Variants in ABCA4 observed in about 807,000 individuals in gnomAD.
ABCA4 encodes the protein retinal-specific phospholipid-transporting ATPase ABCA4.
In ABCA4, 196 loss-of-function variants were observed where a neutral mutation model predicts 263.7. The observed-to-expected ratio is 0.74, with a 90% CI of 0.66 to 0.84. The LOEUF (loss-of-function observed/expected upper bound fraction) is 0.84, where lower values mean the gene tolerates loss of function less well. Among genes scored for constraint, ABCA4 ranks in the 40% least tolerant of loss-of-function variants. The pLI is 0.00. For synonymous variants in ABCA4, 1,133 were observed against 1,094.2 expected (o/e 1.04, Z -0.70); for missense variants, 2,792 against 2,855.1 (o/e 0.98, Z 0.50).
At chr1:94,113,125 G>T (rs1006710711) in intron 1 of ABCA4, 59 bp from the exon 2 acceptor site, 6 of 1,532,566 alleles carry the variant, frequency 3.9e-6, no homozygotes, top group Non-Finnish European at 5.4e-6. Flanking sequence ...TATAGAAAAC[G>T]TAACCAGAGC....
chr1:94,053,401 CA>C (rs1660891004), intron 16 of ABCA4, among the ~76,000 whole-genome samples: 1 of 152,236 alleles, frequency 6.6e-6, no homozygotes, highest in East Asian at 1.9e-4. Context: ...ACAACAACAA[CA>C]AAAAACCAAA....
chr1:94,084,488 T>C (rs1186986941), intron 6 of ABCA4, among the ~76,000 whole-genome samples: 1 of 152,252 alleles, frequency 6.6e-6, no homozygotes, highest in East Asian at 1.9e-4. Flanking sequence ...TTCTCATTTG[T>C]AGCTGTGTGT....
intron 1 of ABCA4, among the ~76,000 whole-genome samples, chr1:94,114,369 T>G (rs1007991222): frequency 2.8e-4 from 43 of 152,224 alleles, no homozygotes; most frequent in African/African-American, 9.6e-4. Flanking sequence ...GTGGTGATTA[T>G]GTAGCTGTAA....
chr1:94,095,895 A>G (rs1662113589), intron 6 of ABCA4, among the ~76,000 whole-genome samples: 2 of 149,606 alleles, frequency 1.3e-5, no homozygotes, highest in Admixed American at 6.7e-5. Flanking sequence ...GTGAGAGGAG[A>G]GCAGGTAGGG....
chr1:94,005,327 G>T (rs902247967), intron 44 of ABCA4, 114 bp downstream of exon 44: 3 of 1,320,166 alleles, frequency 2.3e-6, no homozygotes, highest in Non-Finnish European at 2.2e-6. Flanking sequence ...ACATTTGTTG[G>T]AATGAATGAA....
At chr1:94,076,607 A>G (rs148984090) in intron 11 of ABCA4, among the ~76,000 whole-genome samples, 1 of 152,204 alleles carries the variant, frequency 6.6e-6, no homozygotes, top group Non-Finnish European at 1.5e-5. Flanking sequence ...AGCAGAGTTG[A>G]GCAAGGGCTG....
chr1:94,101,159 T>C (rs979170027), intron 5 of ABCA4, among the ~76,000 whole-genome samples: 1 of 152,244 alleles, frequency 6.6e-6, no homozygotes, highest in Non-Finnish European at 1.5e-5. Context: ...GTACTAGAGA[T>C]CTAAATGTCA....
At chr1:94,073,845 C>T (rs1238712391) in intron 11 of ABCA4, among the ~76,000 whole-genome samples, 2 of 152,092 alleles carry the variant, frequency 1.3e-5, no homozygotes, top group African/African-American at 4.8e-5. Flanking sequence ...TTTGCAAAAA[C>T]ATTGTGAGAA....
intron 4 of ABCA4, among the ~76,000 whole-genome samples, chr1:94,103,414 A>C (rs189025352): frequency 3.9e-5 from 6 of 152,314 alleles, no homozygotes; most frequent in African/African-American, 7.2e-5. Flanking sequence ...GGGTTGGTCT[A>C]GGACAGTGCT....
At chr1:94,042,098 C>CAAAAAAAAA (rs11334956) in intron 22 of ABCA4, among the ~76,000 whole-genome samples, 28 of 81,188 alleles carry the variant, frequency 3.4e-4, no homozygotes, top group African/African-American at 6.4e-4. Flanking sequence ...GATTCTGTCT[C>CAAAAAAAAA]AAAAAAAAAA....
intron 39 of ABCA4, 114 bp downstream of exon 39, chr1:94,011,148 C>A: frequency 6.3e-7 from 1 of 1,587,908 alleles, no homozygotes; most frequent in Non-Finnish European, 8.6e-7. Context: ...TCCAGCCCAA[C>A]AAGGTCCCCT....
intron 36 of ABCA4, among the ~76,000 whole-genome samples, chr1:94,016,502 G>T (rs1172319279): frequency 6.6e-6 from 1 of 152,182 alleles, no homozygotes; most frequent in African/African-American, 2.4e-5. Context: ...GCAGGGAGAG[G>T]ACGGCATCCA....
At chr1:94,117,170 T>G (rs544401583) in intron 1 of ABCA4, among the ~76,000 whole-genome samples, 2 of 152,088 alleles carry the variant, frequency 1.3e-5, no homozygotes, top group East Asian at 3.9e-4. Context: ...GTTGTGCTTG[T>G]TGTTTTAGAA....
intron 47 of ABCA4, 65 bp downstream of exon 47, chr1:94,000,771 G>A (rs1659150624): frequency 6.5e-7 from 1 of 1,529,474 alleles, no homozygotes; most frequent in Admixed American, 1.7e-5. Context: ...AAGTGTCAAT[G>A]GAGAACACAG....
chr1:94,029,312 G>C (rs1660132286), intron 30 of ABCA4, 133 bp downstream of exon 30: 3 of 885,824 alleles, frequency 3.4e-6, no homozygotes, highest in Non-Finnish European at 5.0e-6. Context: ...AGGGTGCAGG[G>C]AGTTTGGTTT....
intron 26 of ABCA4, among the ~76,000 whole-genome samples, chr1:94,034,523 A>C (rs1351788543): frequency 2.0e-5 from 3 of 152,058 alleles, no homozygotes; most frequent in Non-Finnish European, 4.4e-5. Flanking sequence ...ACCCCAATGC[A>C]CAGCTACAGG....
rs1659157515 is a variant in ABCA4, at chr1:94,001,007, G to C, written c.6381C>G (p.Ser2127=). Reference sequence around the variant, plus strand: ...CAGCCCTGGGAATCTCTTGCCTGTGGGATGTGAGGACCACAGCCCTCCCTT... The same window carrying C: ...CAGCCCTGGGAATCTCTTGCCTGTGCGATGTGAGGACCACAGCCCTCCCTT... ...IREGRAVVLT[S]HSMEECEALC... is the part of the protein sequence containing the mutation. The change falls in exon 46 of 50, where the codon TCC becomes TCG. Residue 2127 remains serine, a synonymous_variant. Transcript: ENST00000370225. 6.2e-7 allele frequency: 1 copy of C among 1,614,112 alleles called. No individual in the cohort carries two copies. Among genetic ancestry groups the C allele is most frequent in the South Asian group, 1.1e-5 (1 of 91,064 alleles).
intron 11 of ABCA4, among the ~76,000 whole-genome samples, chr1:94,068,192 C>T (rs897435312): frequency 2.6e-5 from 4 of 151,980 alleles, no homozygotes; most frequent in Non-Finnish European, 4.4e-5. Flanking sequence ...GCTGAGAGGG[C>T]GTGGGGCCTC....
intron 1 of ABCA4, among the ~76,000 whole-genome samples, chr1:94,114,678 G>C (rs991739062): frequency 6.6e-6 from 1 of 152,042 alleles, no homozygotes. Flanking sequence ...TAGTAGAGAC[G>C]GGGTTTCACC....
Sources: allele counts gnomAD v4.1 joint callset (sites outside exome capture counted in the v4.1 genomes callset), GRCh38; gene constraint gnomAD v4.1.1; transcripts MANE v1.5; gene names NCBI Gene and HGNC (gene_info 2026-07-23, HGNC 2026-07-21).